The following DIP2C variants were observed in gnomAD, a reference collection of about 807,000 sequenced individuals.
DIP2C encodes disco-interacting protein 2 homolog C.
In DIP2C, 33 loss-of-function variants were observed where a neutral mutation model predicts 192.4. The observed-to-expected ratio is 0.17, with a 90% CI of 0.13 to 0.23. The LOEUF (loss-of-function observed/expected upper bound fraction) is 0.23, where lower values mean the gene tolerates loss of function less well. Ranked by LOEUF, DIP2C falls within the 10% of genes least tolerant of loss-of-function variation. The probability of loss-of-function intolerance (pLI) is 1.00; values close to 1 mark genes in which losing one functional copy is unlikely to be tolerated. For synonymous variants in DIP2C, 979 were observed against 864.1 expected (o/e 1.13, Z -2.33); for missense variants, 1,537 against 2,110.1 (o/e 0.73, Z 5.32).
At chr10:550,885 C>A (rs1005650814) in intron 1 of DIP2C, among the ~76,000 whole-genome samples, 1 of 152,260 alleles carries the variant, frequency 6.6e-6, no homozygotes, top group South Asian at 2.1e-4. Flanking sequence ...CACAGCCAGT[C>A]AGGCCTGCAC....
At chr10:519,718 T>C (rs1309528606) in intron 1 of DIP2C, among the ~76,000 whole-genome samples, 1 of 152,268 alleles carries the variant, frequency 6.6e-6, no homozygotes, top group African/African-American at 2.4e-5. Flanking sequence ...CTGAGCTCAT[T>C]AGGGACAGAA....
At chr10:448,241 A>G (rs1303294520) in intron 3 of DIP2C, among the ~76,000 whole-genome samples, 1 of 129,302 alleles carries the variant, frequency 7.7e-6, no homozygotes, top group African/African-American at 4.1e-5. Context: ...AGGATCACAC[A>G]CAGTGGGGCA....
chr10:345,249 C>T, intron 26 of DIP2C, 139 bp from the exon 27 acceptor site: 2 of 863,708 alleles, frequency 2.3e-6, no homozygotes, highest in Non-Finnish European at 3.7e-6. Context: ...AGCCCTCCTG[C>T]TGGCTAAGGT....
chr10:275,666 G>A lies in DIP2C; in HGVS notation c.*1659C>T, dbSNP rs1391022416. The A allele has an allele frequency of 6.6e-6, 1 of 152,024 alleles. No homozygotes were observed. Among genetic ancestry groups the A allele is most frequent in the Non-Finnish European group, 1.5e-5 (1 of 68,010 alleles). 9.4% of individuals were successfully genotyped at this position (152,024 alleles called of 1,614,324 possible). A position where few individuals can be genotyped will look rare whatever the true frequency, so the allele number is the denominator to read the frequency against. On this transcript the variant is annotated 3_prime_UTR_variant, in exon 37 of 37. Transcript: ENST00000280886. ...TGCATATCTAGCACCGAGAGCCACTGCGGGGTCACACTGGGGCAGTTACAG... is the reference window on the plus strand; with the variant it reads ...TGCATATCTAGCACCGAGAGCCACTACGGGGTCACACTGGGGCAGTTACAG...
At chr10:396,431 A>T (rs1369500462) in intron 10 of DIP2C, among the ~76,000 whole-genome samples, 1 of 152,232 alleles carries the variant, frequency 6.6e-6, no homozygotes, top group African/African-American at 2.4e-5. Context: ...AACATGGATA[A>T]ATACAAATTA....
intron 1 of DIP2C, among the ~76,000 whole-genome samples, chr10:645,962 T>A (rs1009399856): frequency 6.6e-6 from 1 of 152,204 alleles, no homozygotes; most frequent in African/African-American, 2.4e-5. Context: ...AAAAGAAGCA[T>A]ATTGTATCAT....
intron 1 of DIP2C, among the ~76,000 whole-genome samples, chr10:494,348 C>T (rs895209821): frequency 3.3e-5 from 5 of 152,124 alleles, no homozygotes; most frequent in Admixed American, 1.3e-4. Context: ...GTCAGAGGCG[C>T]GCAGTGACCT....
At chr10:594,418 T>C (rs538596045) in intron 1 of DIP2C, among the ~76,000 whole-genome samples, 1 of 151,918 alleles carries the variant, frequency 6.6e-6, no homozygotes, top group East Asian at 1.9e-4. Context: ...TAAGGGAACA[T>C]GGCCGAGTAC....
chr10:544,636 G>A (rs1387087856), intron 1 of DIP2C, among the ~76,000 whole-genome samples: 1 of 152,162 alleles, frequency 6.6e-6, no homozygotes, highest in Non-Finnish European at 1.5e-5. Context: ...CCCAGTGGTT[G>A]TGAAGTGGTA....
intron 5 of DIP2C, among the ~76,000 whole-genome samples, chr10:419,657 C>T (rs1436068106): frequency 6.6e-6 from 1 of 152,140 alleles, no homozygotes; most frequent in East Asian, 1.9e-4. Context: ...CAAATGGGAA[C>T]AGTAATGGCC....
Position 651,280 on chromosome 10 carries a change from A to G in DIP2C, c.85+38214T>C, listed in dbSNP as rs1013551168. On this transcript the variant is annotated intron_variant, in intron 1 of 36. Coordinates refer to ENST00000280886, the MANE Select transcript of DIP2C (RefSeq NM_014974.3). This position sits in a 1 kb window ranked among gnomAD's most constrained non-coding sequence, Gnocchi z 4.1. ...GGTCACCAGTCGGCCTCCCCCACCA[A>G]CGTGGACTCCTTACAAGCAGAGCCA... 2.8e-6 allele frequency: 2 copies of G among 712,442 alleles called. No individual in the cohort carries two copies. Among genetic ancestry groups the G allele is most frequent in the African/African-American group, 3.5e-5 (2 of 57,192 alleles). The allele number at this position is 712,442 out of a possible 1,614,324, so 44.1% of individuals were successfully genotyped here.
At chr10:436,826 TCCACCCACAC>T (rs1195922275) in intron 4 of DIP2C, among the ~76,000 whole-genome samples, 3 of 135,692 alleles carry the variant, frequency 2.2e-5, no homozygotes, top group South Asian at 2.4e-4. Flanking sequence ...GGTGATATGC[TCCACCCACAC>T]CTGAGCTCTC....
rs1296739016 is a variant in DIP2C, at chr10:666,492, G to A, written c.85+23002C>T. 6.6e-6 allele frequency: 1 copy of A among 152,352 alleles called. No individual in the cohort carries two copies. The highest frequency in any genetic ancestry group is 2.4e-5 in the African/African-American group (1 of 41,458). 9.4% of individuals were successfully genotyped at this position (152,352 alleles called of 1,614,324 possible). A position where few individuals can be genotyped will look rare whatever the true frequency, so the allele number is the denominator to read the frequency against. ...ACCCAAGACTGAGATCCTGTGGCCT[G>A]AGTCGGGGCCGGGGAAACCAAGCCT... On this transcript the variant is annotated intron_variant, in intron 1 of 36. Transcript: ENST00000280886. The surrounding 1 kb of genome is among the most constrained non-coding windows in gnomAD (Gnocchi z 4.1).
At chr10:512,923 A>AG (rs1491572782) in intron 1 of DIP2C, among the ~76,000 whole-genome samples, 418 of 25,056 alleles carry the variant, frequency 0.017, no homozygotes, top group African/African-American at 0.087. Flanking sequence ...CCACTTCAGG[A>AG]AAAAAAAAAA....
At chr10:424,771 C>CATCT (rs1429071138) in intron 4 of DIP2C, among the ~76,000 whole-genome samples, 4 of 152,186 alleles carry the variant, frequency 2.6e-5, no homozygotes, top group African/African-American at 9.7e-5. Context: ...GGAGCACAAC[C>CATCT]ATCTCCCCAG....
At position 523,371 on chromosome 10, in the gene DIP2C, G is replaced by T. The variant is rs866079343; in HGVS notation, c.86-36841C>A. 5.7e-4 allele frequency among the ~76,000 whole-genome samples: 81 copies of T among 141,306 alleles called. 1 individual carries two copies. The highest frequency in any genetic ancestry group is 2.0e-3 in the African/African-American group (68 of 34,004). The allele number at this position is 141,306 out of a possible 152,430, so 92.7% of individuals were successfully genotyped here. ...CCTGGAGTGACGATGCAGGGACTCTGTGTCACCCACACACTCGTTTCTACC... is the reference window on the plus strand; with the variant it reads ...CCTGGAGTGACGATGCAGGGACTCTTTGTCACCCACACACTCGTTTCTACC... On this transcript the variant is annotated intron_variant, in intron 1 of 36. Transcript: ENST00000280886.
intron 3 of DIP2C, among the ~76,000 whole-genome samples, chr10:462,902 C>G (rs996827222): frequency 3.9e-5 from 6 of 152,148 alleles, no homozygotes; most frequent in Admixed American, 3.3e-4. Flanking sequence ...ATCAACAGAA[C>G]TAATGACAAA....
intron 1 of DIP2C, among the ~76,000 whole-genome samples, chr10:602,659 C>G (rs907351695): frequency 6.6e-6 from 1 of 152,144 alleles, no homozygotes; most frequent in Non-Finnish European, 1.5e-5. Context: ...TACAGATCAC[C>G]CAATCTACAG....
rs919495667 is a variant in DIP2C at position 319,388 on chromosome 10, T to A, written c.3924+7618A>T. On this transcript the variant is annotated intron_variant, in intron 31 of 36. Transcript: ENST00000280886. ...ATAAATCAGTTATTTTTCTATATAATAGAAATCCAAGTTTCTGTTTATGTT... is the reference window on the plus strand; with the variant it reads ...ATAAATCAGTTATTTTTCTATATAAAAGAAATCCAAGTTTCTGTTTATGTT... 3.9e-4 allele frequency among the ~76,000 whole-genome samples: 59 copies of A among 152,244 alleles called. 1 individual carries two copies. The highest frequency in any genetic ancestry group is 1.4e-3 in the African/African-American group (58 of 41,464).
Sources: allele counts gnomAD v4.1 joint callset (sites outside exome capture counted in the v4.1 genomes callset), GRCh38; gene constraint gnomAD v4.1.1; non-coding constraint Gnocchi (gnomAD v3.1); transcripts MANE v1.5; gene names NCBI Gene and HGNC (gene_info 2026-07-23, HGNC 2026-07-21).